STK24: variants seen among roughly 807,000 people sequenced by gnomAD.
STK24 encodes serine/threonine-protein kinase 24.
Under a neutral mutation model 55.6 loss-of-function variants are expected in STK24, and 21 were observed. The observed-to-expected ratio is 0.38, with a 90% CI of 0.27 to 0.54. The LOEUF (loss-of-function observed/expected upper bound fraction) is 0.54. STK24 is among the 20% of genes least tolerant of loss of function. The probability of loss-of-function intolerance (pLI) is 0.79; values close to 1 mark genes in which losing one functional copy is unlikely to be tolerated. For synonymous variants in STK24, 200 were observed against 215.2 expected, an observed-to-expected ratio of 0.93 and a Z score of 0.62; for missense variants, 383 against 538.4, an observed-to-expected ratio of 0.71 and a Z score of 2.86.
At chr13:98,463,602 C>T in intron 7 of STK24, 89 bp downstream of exon 7, 1 of 1,417,814 alleles carries the variant, frequency 7.1e-7, no homozygotes, top group African/African-American at 1.5e-5. Context: ...AAAAAAAACT[C>T]AACAGAAAAC....
chr13:98,451,568 C>T lies in STK24; in HGVS notation c.*1605G>A, dbSNP rs1359861567. The stretch of plus-strand genomic sequence containing the variant: ...CAATAACCCACTCAAGCATCTGTAG[C>T]TCAGGGCTCTGTCCCCTCCCTATAG... On this transcript the variant is annotated 3_prime_UTR_variant, in exon 11 of 11. Transcript: ENST00000539966. 2 of 152,166 alleles carry T rather than the reference C, an allele frequency of 1.3e-5. No homozygotes were observed. The highest frequency in any genetic ancestry group is 2.9e-5 in the Non-Finnish European group (2 of 68,034). 9.4% of individuals were successfully genotyped at this position (152,166 alleles called of 1,614,324 possible).
chr13:98,453,779 A>C (rs1893318028), intron 10 of STK24: 1 of 152,082 alleles, frequency 6.6e-6, no homozygotes, highest in African/African-American at 2.4e-5. Context: ...ATACAAACTG[A>C]AATAACAGAC....
At chr13:98,492,282 G>T (rs1001918421) in intron 2 of STK24, among the ~76,000 whole-genome samples, 1 of 152,134 alleles carries the variant, frequency 6.6e-6, no homozygotes, top group Non-Finnish European at 1.5e-5. Context: ...TTCCTATTAA[G>T]GAAGGATGAG....
intron 1 of STK24, among the ~76,000 whole-genome samples, chr13:98,524,601 A>AG: frequency 6.6e-6 from 1 of 152,338 alleles, no homozygotes; most frequent in Admixed American, 6.5e-5. Flanking sequence ...ATTCACCCCA[A>AG]GGAATGGTGA....
chr13:98,463,076 C>T (rs1893780730), intron 7 of STK24, among the ~76,000 whole-genome samples: 1 of 152,180 alleles, frequency 6.6e-6, no homozygotes, highest in African/African-American at 2.4e-5. Flanking sequence ...TGGCCTGGCA[C>T]ATGGACCTGC....
chr13:98,531,253 C>G (rs924178506), intron 1 of STK24, among the ~76,000 whole-genome samples: 2 of 152,180 alleles, frequency 1.3e-5, no homozygotes, highest in African/African-American at 4.8e-5. Flanking sequence ...CTCCCAAAAT[C>G]TGAAAATCAA....
At chr13:98,471,566 T>C (rs1429810543) in intron 5 of STK24, among the ~76,000 whole-genome samples, 1 of 152,166 alleles carries the variant, frequency 6.6e-6, no homozygotes, top group Non-Finnish European at 1.5e-5. Flanking sequence ...TCTTACGACA[T>C]ATGGGCAATC....
At position 98,446,628 on chromosome 13, in the gene STK24, A is replaced by C. The variant is rs2281766; in HGVS notation, c.*6545T>G. The C allele has an allele frequency of 0.78, 1,259,622 of 1,606,864 alleles. 503,237 individuals are homozygous for C. Among genetic ancestry groups the C allele is most frequent in the Non-Finnish European group, 0.83 (978,922 of 1,174,958 alleles). On this transcript the variant is annotated 3_prime_UTR_variant, in exon 11 of 11. Coordinates refer to ENST00000539966, the MANE Select transcript of STK24 (RefSeq NM_001032296.4). ...CAGCCAGGCCCAGCAGCAGAAGCTG[A>C]CCCCGAAAAGCCACTTTGCTTTGTT...
intron 1 of STK24, among the ~76,000 whole-genome samples, chr13:98,549,782 A>G (rs527299738): frequency 6.6e-6 from 1 of 152,316 alleles, no homozygotes; most frequent in South Asian, 2.1e-4. Flanking sequence ...ACAGCCTGAG[A>G]CAGGCACTAA....
chr13:98,470,001 G>A (rs1894081677), intron 5 of STK24, among the ~76,000 whole-genome samples: 1 of 152,224 alleles, frequency 6.6e-6, no homozygotes, highest in South Asian at 2.1e-4. Flanking sequence ...CATTACTTAT[G>A]TTCAACCTCA....
chr13:98,564,659 A>G (rs1897519406), intron 1 of STK24, among the ~76,000 whole-genome samples: 1 of 152,222 alleles, frequency 6.6e-6, no homozygotes, highest in South Asian at 2.1e-4. Flanking sequence ...AAATTTGAGA[A>G]TTATCAGGTT....
intron 2 of STK24, among the ~76,000 whole-genome samples, chr13:98,513,083 G>T (rs186752918): frequency 1.3e-5 from 2 of 152,194 alleles, no homozygotes; most frequent in African/African-American, 2.4e-5. Context: ...CTTCCCAGGC[G>T]CTGTGTGAGC....
Position 98,451,708 on chromosome 13 carries a change from G to C in STK24, c.*1465C>G, listed in dbSNP as rs1893201221. 6.6e-6 allele frequency: 1 copy of C among 152,192 alleles called. No homozygotes were observed. Among genetic ancestry groups the C allele is most frequent in the South Asian group, 2.1e-4 (1 of 4,830 alleles). The allele number at this position is 152,192 out of a possible 1,614,324, so 9.4% of individuals were successfully genotyped here. On this transcript the variant is annotated 3_prime_UTR_variant, in exon 11 of 11. Coordinates refer to ENST00000539966, the MANE Select transcript of STK24 (RefSeq NM_001032296.4). ...CACAAGAACTGGCACACCCACGGGA[G>C]ATGTCAATCATCAGCTTCAACAAAC... is the stretch of plus-strand genomic sequence containing the variant.
chr13:98,546,371 C>A (rs570699390), intron 1 of STK24, among the ~76,000 whole-genome samples: 3 of 140,688 alleles, frequency 2.1e-5, no homozygotes, highest in African/African-American at 8.0e-5. Flanking sequence ...CCAACTCTTA[C>A]AAAAACACAC....
rs773863609 is a variant in STK24, at chr13:98,446,247, G to A, written c.*6926C>T. The A allele has an allele frequency of 7.2e-7, 1 of 1,390,758 alleles. No homozygotes were observed. The highest frequency in any genetic ancestry group is 1.0e-6 in the Non-Finnish European group (1 of 981,560). The allele number at this position is 1,390,758 out of a possible 1,614,324, so 86.2% of individuals were successfully genotyped here. A position where few individuals can be genotyped will look rare whatever the true frequency, so the allele number is the denominator to read the frequency against. On this transcript the variant is annotated 3_prime_UTR_variant, in exon 11 of 11. Transcript: ENST00000539966. ...GGGCAGGTGGCCCTGGGACCTTGGG[G>A]GTGGCAGCATGAGGTGAGGGGGCCG...
intron 1 of STK24, among the ~76,000 whole-genome samples, chr13:98,554,355 C>T (rs1897234899): frequency 6.6e-6 from 1 of 152,172 alleles, no homozygotes; most frequent in Non-Finnish European, 1.5e-5. Flanking sequence ...ACTTTAATTA[C>T]TAAAATTACC....
rs60756124 is a variant in STK24 at position 98,559,002 on chromosome 13, T to TAAAAA, written c.42+17738_42+17742dup. ...CAACGTGGAGAAACCCTGTCTCTAC[T>TAAAAA]AAAAAAAAAAAAAAAAAAAAAAAAA... On this transcript the variant is annotated intron_variant, in intron 1 of 10. Coordinates refer to ENST00000539966, the MANE Select transcript of STK24 (RefSeq NM_001032296.4). Among the ~76,000 whole-genome samples, 61 of 43,030 alleles carry TAAAAA rather than the reference T, an allele frequency of 1.4e-3. 1 individual carries two copies. Among genetic ancestry groups the TAAAAA allele is most frequent in the African/African-American group, 5.2e-3 (51 of 9,816 alleles). 28.2% of individuals were successfully genotyped at this position (43,030 alleles called of 152,430 possible).
In STK24 at chr13:98,448,070, C is replaced by T. The variant is rs1166831183; in HGVS notation, c.*5103G>A. 4 of 651,842 alleles carry T rather than the reference C, an allele frequency of 6.1e-6. No homozygotes were observed. Among genetic ancestry groups the T allele is most frequent in the Non-Finnish European group, 1.1e-5 (4 of 357,102 alleles). The allele number at this position is 651,842 out of a possible 1,614,324, so 40.4% of individuals were successfully genotyped here. A position where few individuals can be genotyped will look rare whatever the true frequency, so the allele number is the denominator to read the frequency against. On this transcript the variant is annotated 3_prime_UTR_variant, in exon 11 of 11. Transcript: ENST00000539966. ...CCCAGGCCAGTGGGTCTCCACTGTA[C>T]CTCAGGAACGCCTGGGTGCTGGCTG...
At chr13:98,501,892 T>A (rs1895477921) in intron 2 of STK24, among the ~76,000 whole-genome samples, 1 of 152,104 alleles carries the variant, frequency 6.6e-6, no homozygotes, top group Non-Finnish European at 1.5e-5. Flanking sequence ...TCCTAATATC[T>A]CCTTCTTAAA....
Sources: allele counts gnomAD v4.1 joint callset (sites outside exome capture counted in the v4.1 genomes callset), GRCh38; gene constraint gnomAD v4.1.1; transcripts MANE v1.5; gene names NCBI Gene and HGNC (gene_info 2026-07-23, HGNC 2026-07-21).